The following CTNNA3 variants were observed in gnomAD, a reference collection of about 807,000 sequenced individuals.
CTNNA3 encodes catenin alpha-3.
A neutral mutation model predicts 95.7 loss-of-function variants in CTNNA3; 76 were observed. The observed-to-expected ratio is 0.79, with a 90% confidence interval of 0.66 to 0.96. The LOEUF is 0.96. CTNNA3 is among the 40% of genes least tolerant of loss of function. CTNNA3 has a pLI of 0.00. For missense variants in CTNNA3, 1,191 were observed against 1,089.8 expected, an observed-to-expected ratio of 1.09 and a Z score of -1.31; for synonymous variants, 431 against 374.4, an observed-to-expected ratio of 1.15 and a Z score of -1.74.
intron 5 of CTNNA3, among the ~76,000 whole-genome samples, chr10:67,503,688 G>A (rs1349765352): frequency 6.6e-6 from 1 of 152,126 alleles, no homozygotes; most frequent in Non-Finnish European, 1.5e-5. Context: ...CCTTTAAAAT[G>A]TAGGGTGATA....
At position 66,979,252 on chromosome 10, in the gene CTNNA3, G is replaced by C. The variant is rs61866214; in HGVS notation, c.1047+201065C>G. Among the ~76,000 whole-genome samples the C allele has an allele frequency of 4.7e-3, 711 of 152,192 alleles. 1 individual carries two copies. The highest frequency in any genetic ancestry group is 0.014 in the Middle Eastern group (4 of 292). On this transcript the variant is annotated intron_variant, in intron 7 of 17. Transcript: ENST00000433211. Reference sequence around the variant, plus strand: ...CAAAGTGCTGGGATTACAGGCATGAGCCACCATGCCTGGTCATAACTATTT... The same window carrying C: ...CAAAGTGCTGGGATTACAGGCATGACCCACCATGCCTGGTCATAACTATTT...
At chr10:66,331,435 G>A (rs1464055160) in intron 12 of CTNNA3, among the ~76,000 whole-genome samples, 1 of 130,548 alleles carries the variant, frequency 7.7e-6, no homozygotes, top group Non-Finnish European at 1.6e-5. Context: ...CTCACTGCAA[G>A]CTCCGCCTCC....
intron 9 of CTNNA3, among the ~76,000 whole-genome samples, chr10:66,709,546 C>A (rs1848224880): frequency 6.6e-6 from 1 of 151,960 alleles, no homozygotes; most frequent in Non-Finnish European, 1.5e-5. Context: ...CGAGAAAAAA[C>A]CTCTATTTTT....
intron 1 of CTNNA3, among the ~76,000 whole-genome samples, chr10:67,758,005 C>A (rs1008628785): frequency 6.6e-6 from 1 of 151,998 alleles, no homozygotes; most frequent in African/African-American, 2.4e-5. Context: ...AGAAGACCAC[C>A]CTCACCAATG....
intron 9 of CTNNA3, among the ~76,000 whole-genome samples, chr10:66,728,748 C>G (rs925054823): frequency 2.6e-5 from 4 of 152,054 alleles, no homozygotes; most frequent in African/African-American, 9.7e-5. Flanking sequence ...CAACCATGCC[C>G]AGCTAATTTT....
In CTNNA3 at chr10:67,673,039, G is replaced by A. The variant is rs1840468772; in HGVS notation, c.-6+22961C>T. Among the ~76,000 whole-genome samples the A allele has an allele frequency of 2.0e-5, 3 of 151,526 alleles. No individual in the cohort carries two copies. In the South Asian group the frequency reaches 6.2e-4, roughly 32 times the overall value. ...TTTGTGTCCTCTTTTATTTCATTGA[G>A]CAGTGGTTTGTAGTTCTCCTTGAAG... On this transcript the variant is annotated intron_variant, in intron 1 of 17. Coordinates refer to ENST00000433211, the MANE Select transcript of CTNNA3 (RefSeq NM_013266.4).
chr10:67,119,382 A>G (rs1859353195), intron 7 of CTNNA3, among the ~76,000 whole-genome samples: 1 of 151,878 alleles, frequency 6.6e-6, no homozygotes, highest in South Asian at 2.1e-4. Flanking sequence ...ACATCACTGG[A>G]CATACTACTA....
At chr10:67,327,149 C>G (rs1033892954) in intron 5 of CTNNA3, among the ~76,000 whole-genome samples, 1 of 152,142 alleles carries the variant, frequency 6.6e-6, no homozygotes, top group Non-Finnish European at 1.5e-5. Context: ...TTTTTAGCTT[C>G]CTTGGATTGG....
intron 15 of CTNNA3, among the ~76,000 whole-genome samples, chr10:66,054,822 T>C (rs958686461): frequency 6.6e-6 from 1 of 152,212 alleles, no homozygotes; most frequent in Admixed American, 6.5e-5. Flanking sequence ...CCTGAAGTTT[T>C]TCCCCAATGT....
chr10:67,438,040 A>G (rs1354954418), intron 5 of CTNNA3, among the ~76,000 whole-genome samples: 1 of 152,152 alleles, frequency 6.6e-6, no homozygotes, highest in Admixed American at 6.5e-5. Context: ...GCTAAAAAAA[A>G]AGAAAAAGAC....
At chr10:67,682,316 G>A (rs1430052804) in intron 1 of CTNNA3, among the ~76,000 whole-genome samples, 1 of 147,632 alleles carries the variant, frequency 6.8e-6, no homozygotes, top group African/African-American at 2.5e-5. Context: ...GACAGAGCGA[G>A]ACTCTATCTC....
intron 11 of CTNNA3, among the ~76,000 whole-genome samples, chr10:66,462,659 T>G (rs549868993): frequency 2.6e-4 from 40 of 152,278 alleles, no homozygotes; most frequent in Non-Finnish European, 5.1e-4. Flanking sequence ...AGTGTATATG[T>G]TAAGCATCTT....
At chr10:66,896,028 T>C (rs1845474568) in intron 7 of CTNNA3, among the ~76,000 whole-genome samples, 1 of 148,862 alleles carries the variant, frequency 6.7e-6, no homozygotes, top group Non-Finnish European at 1.5e-5. Flanking sequence ...ACCCAGGAGG[T>C]GGAGGTTGTG....
intron 13 of CTNNA3, among the ~76,000 whole-genome samples, chr10:66,205,035 C>A (rs2087670811): frequency 1.3e-5 from 2 of 152,022 alleles, no homozygotes; most frequent in African/African-American, 4.8e-5. Flanking sequence ...TCAGTGTCAG[C>A]AATATGTCAA....
At chr10:67,659,826 G>A (rs773629614) in intron 1 of CTNNA3, among the ~76,000 whole-genome samples, 6 of 152,152 alleles carry the variant, frequency 3.9e-5, no homozygotes, top group Admixed American at 6.5e-5. Context: ...ATGAATTCTC[G>A]TAAGGTCTGA....
At chr10:66,350,540 GAA>G (rs897663853) in intron 12 of CTNNA3, among the ~76,000 whole-genome samples, 2 of 127,574 alleles carry the variant, frequency 1.6e-5, no homozygotes, top group African/African-American at 5.7e-5. Flanking sequence ...CGTAGCTCCA[GAA>G]AAAAAAAATT....
At chr10:66,305,134 G>C (rs565310189) in intron 12 of CTNNA3, among the ~76,000 whole-genome samples, 1 of 151,990 alleles carries the variant, frequency 6.6e-6, no homozygotes, top group South Asian at 2.1e-4. Context: ...AATTTCTCTT[G>C]CTTCCACCCA....
intron 7 of CTNNA3, among the ~76,000 whole-genome samples, chr10:67,135,257 T>C (rs10997526): frequency 0.073 from 11,093 of 152,210 alleles, 540 homozygotes; most frequent in African/African-American, 0.14. Context: ...ACTAATTTCA[T>C]GTGTTTCCTT....
intron 7 of CTNNA3, among the ~76,000 whole-genome samples, chr10:67,147,040 T>C (rs1860882707): frequency 6.6e-6 from 1 of 152,174 alleles, no homozygotes; most frequent in Admixed American, 6.5e-5. Context: ...GTTCACACAA[T>C]GACAAAATTG....
Sources: allele counts gnomAD v4.1 joint callset (sites outside exome capture counted in the v4.1 genomes callset), GRCh38; gene constraint gnomAD v4.1.1; transcripts MANE v1.5; gene names NCBI Gene and HGNC (gene_info 2026-07-23, HGNC 2026-07-21).